Variants in OTUD7A observed in about 807,000 individuals in gnomAD.
OTUD7A encodes OTU domain-containing protein 7A.
In OTUD7A, 12 loss-of-function variants were observed where a neutral mutation model predicts 65.7. The observed-to-expected ratio is 0.18, with a 90% CI of 0.12 to 0.30. OTUD7A has a LOEUF of 0.30. Ranked by LOEUF, OTUD7A falls within the 10% of genes least tolerant of loss-of-function variation. The probability of loss-of-function intolerance (pLI) is 1.00; values close to 1 mark genes in which losing one functional copy is unlikely to be tolerated. For missense variants in OTUD7A, 1,148 were observed against 1,304.8 expected (o/e 0.88, Z 1.85); for synonymous variants, 641 against 586.3 (o/e 1.09, Z -1.35).
intron 12 of OTUD7A, among the ~76,000 whole-genome samples, chr15:31,485,796 A>T (rs1359679939): frequency 6.6e-6 from 1 of 151,752 alleles, no homozygotes; most frequent in Non-Finnish European, 1.5e-5. Context: ...TCTCCCACTT[A>T]ATTTTTGTCC....
chr15:31,617,935 C>A (rs1890645702), intron 3 of OTUD7A, among the ~76,000 whole-genome samples: 1 of 147,608 alleles, frequency 6.8e-6, no homozygotes, highest in South Asian at 2.2e-4. Flanking sequence ...CCCCTCCGCC[C>A]ACCCCAAAAC....
chr15:31,548,560 A>C (rs1566914024), intron 5 of OTUD7A, among the ~76,000 whole-genome samples: 2 of 152,048 alleles, frequency 1.3e-5, no homozygotes, highest in Admixed American at 6.5e-5. Flanking sequence ...CGGCTTCCCC[A>C]AGTCTCTTCT....
intron 1 of OTUD7A, among the ~76,000 whole-genome samples, chr15:31,769,136 A>G (rs577636806): frequency 1.1e-4 from 17 of 152,348 alleles, no homozygotes; most frequent in African/African-American, 4.1e-4. Flanking sequence ...AAGTTCAACA[A>G]AATACATAGG....
chr15:31,767,919 C>T (rs1351049787), intron 1 of OTUD7A: 15 of 1,527,226 alleles, frequency 9.8e-6, no homozygotes, highest in Admixed American at 1.7e-5. Context: ...TTGTTATCAT[C>T]AACATTTTCT....
At chr15:31,771,356 C>T (rs1051411627) in intron 1 of OTUD7A, among the ~76,000 whole-genome samples, 4 of 152,108 alleles carry the variant, frequency 2.6e-5, no homozygotes, top group African/African-American at 9.7e-5. Flanking sequence ...ATAGAAATAC[C>T]GACTTTACTT....
At chr15:31,554,679 C>T (rs914757300) in intron 5 of OTUD7A, among the ~76,000 whole-genome samples, 3 of 152,190 alleles carry the variant, frequency 2.0e-5, no homozygotes, top group African/African-American at 7.2e-5. Context: ...CCCCCAGACA[C>T]ACTGAAGAAC....
chr15:31,864,349 C>T (rs1897822412), intron 1 of OTUD7A, among the ~76,000 whole-genome samples: 1 of 152,152 alleles, frequency 6.6e-6, no homozygotes, highest in Non-Finnish European at 1.5e-5. Flanking sequence ...TGTTTTCACC[C>T]TGCTGATAAA....
At chr15:31,824,573 A>T (rs1290156238) in intron 1 of OTUD7A, among the ~76,000 whole-genome samples, 2 of 152,258 alleles carry the variant, frequency 1.3e-5, no homozygotes, top group African/African-American at 4.8e-5. Flanking sequence ...TCTTGAAGTT[A>T]TCACCCTCAT....
chr15:31,832,373 C>T (rs1896954800), intron 1 of OTUD7A, among the ~76,000 whole-genome samples: 1 of 152,152 alleles, frequency 6.6e-6, no homozygotes, highest in South Asian at 2.1e-4. Context: ...GAAACATTTA[C>T]ACGGGCACAG....
chr15:31,687,714 T>C (rs1168949755), intron 1 of OTUD7A, among the ~76,000 whole-genome samples: 1 of 152,198 alleles, frequency 6.6e-6, no homozygotes, highest in African/African-American at 2.4e-5. Flanking sequence ...CCTTGTGTGA[T>C]GACCCCACAA....
rs547681853 is a variant in OTUD7A, at chr15:31,480,057, C to G, written c.*3237G>C. Reference sequence around the variant, plus strand: ...AAGCAGCAAAAAGCGTTTAACCCCCCGGAGCCCACAGTGGAGCTCCTTCCC... The same window carrying G: ...AAGCAGCAAAAAGCGTTTAACCCCCGGGAGCCCACAGTGGAGCTCCTTCCC... On this transcript the variant is annotated 3_prime_UTR_variant, in exon 13 of 13. Coordinates refer to ENST00000307050, the MANE Select transcript of OTUD7A (RefSeq NM_001382637.1). 6.6e-6 allele frequency: 1 copy of G among 152,198 alleles called. No homozygotes were observed. Among genetic ancestry groups the G allele is most frequent in the Non-Finnish European group, 1.5e-5 (1 of 68,032 alleles). 9.4% of individuals were successfully genotyped at this position (152,198 alleles called of 1,614,324 possible). A position where few individuals can be genotyped will look rare whatever the true frequency, so the allele number is the denominator to read the frequency against.
chr15:31,768,003 C>T (rs1022099884), intron 1 of OTUD7A: 2 of 1,594,808 alleles, frequency 1.3e-6, no homozygotes, highest in African/African-American at 1.3e-5. Flanking sequence ...TGCCTTGTAA[C>T]TTCAGGACCA....
At chr15:31,492,145 A>AGCAGT in intron 10 of OTUD7A, among the ~76,000 whole-genome samples, 1 of 152,374 alleles carries the variant, frequency 6.6e-6, no homozygotes, top group South Asian at 2.1e-4. Flanking sequence ...AGCAAAGGGC[A>AGCAGT]GCAGTGCATT....
chr15:31,758,881 G>C (rs1325738835), intron 1 of OTUD7A, among the ~76,000 whole-genome samples: 1 of 152,124 alleles, frequency 6.6e-6, no homozygotes, highest in Non-Finnish European at 1.5e-5. Context: ...TTTAGCCTGG[G>C]CTTCAACCAC....
At position 31,482,098 on chromosome 15, in the gene OTUD7A, T is replaced by A. The variant is rs1406370449; in HGVS notation, c.*1196A>T. 6.6e-6 allele frequency: 1 copy of A among 152,126 alleles called. No homozygotes were observed. Among genetic ancestry groups the A allele is most frequent in the Non-Finnish European group, 1.5e-5 (1 of 68,008 alleles). 9.4% of individuals were successfully genotyped at this position (152,126 alleles called of 1,614,324 possible). ...CTGCATATTGCTGCTCAAAACAGGG[T>A]AGCTAAGGACACATTTTTTTTTTCC... is the stretch of plus-strand genomic sequence containing the variant. On this transcript the variant is annotated 3_prime_UTR_variant, in exon 13 of 13. Transcript: ENST00000307050.
In OTUD7A at chr15:31,530,792, C is replaced by T; in HGVS notation, c.567G>A (p.Trp189Ter). The change falls in exon 6 of 13, where the codon TGG becomes TGA. Residue 189 changes from tryptophan (W) to a stop codon, truncating the protein, a stop_gained. Coordinates refer to ENST00000307050, the MANE Select transcript of OTUD7A (RefSeq NM_001382637.1). LOFTEE classifies it high-confidence loss of function. ...ALEQAGRLNW[W>*]STVCTSCKRL... ...GTTTACAGCTCGTGCACACAGTGGACCACCAGTTCAGGCGACCTGGAAAAG... is the reference window on the plus strand; with the variant it reads ...GTTTACAGCTCGTGCACACAGTGGATCACCAGTTCAGGCGACCTGGAAAAG... 6.2e-7 allele frequency: 1 copy of T among 1,613,806 alleles called. No individual in the cohort carries two copies. The highest frequency in any genetic ancestry group is 8.5e-7 in the Non-Finnish European group (1 of 1,179,844).
chr15:31,631,419 A>C (rs902240391), intron 3 of OTUD7A, among the ~76,000 whole-genome samples: 11 of 152,282 alleles, frequency 7.2e-5, no homozygotes, highest in African/African-American at 9.6e-5. Context: ...TATTGGCCCC[A>C]ACTCTCTTCT....
At chr15:31,716,300 A>G in intron 1 of OTUD7A, among the ~76,000 whole-genome samples, 1 of 4,828 alleles carries the variant, frequency 2.1e-4, no homozygotes, top group Non-Finnish European at 0.025. Context: ...ATTATGTATT[A>G]TATGTAATAT....
intron 1 of OTUD7A, among the ~76,000 whole-genome samples, chr15:31,850,211 C>T (rs1490714677): frequency 2.6e-5 from 4 of 152,196 alleles, no homozygotes; most frequent in African/African-American, 9.7e-5. Flanking sequence ...ACATATACAT[C>T]ATGGAATACT....
Sources: gnomAD v4.1 joint callset for allele counts (sites outside exome capture counted in the v4.1 genomes callset) on GRCh38, gnomAD v4.1.1 for gene constraint, MANE v1.5 for transcripts, NCBI Gene and HGNC (gene_info 2026-07-23, HGNC 2026-07-21) for gene names.